Variants in HSF2BP observed in about 807,000 individuals in gnomAD.
The protein encoded by HSF2BP is heat shock transcription factor 2 binding protein, also known as heat shock factor 2-binding protein.
HSF2BP carries 35 observed loss-of-function variants against 35.0 expected under a neutral mutation model. The ratio of observed to expected loss-of-function variants is 1.00; its 90% CI spans 0.76 to 1.32. The LOEUF is 1.32. HSF2BP is among the 40% of genes most tolerant of loss of function. The pLI, the probability that HSF2BP is intolerant of heterozygous loss-of-function variation, is 0.00. For missense variants in HSF2BP, 326 were observed against 321.7 expected (o/e 1.01, Z -0.10); for synonymous variants, 114 against 117.4 (o/e 0.97, Z 0.18).
intron 8 of HSF2BP, among the ~76,000 whole-genome samples, chr21:43,574,439 G>A (rs2081614933): frequency 1.3e-5 from 2 of 151,642 alleles, no homozygotes; most frequent in African/African-American, 4.8e-5. Flanking sequence ...ATCACCGCAA[G>A]CTCCACCTCC....
intron 7 of HSF2BP, among the ~76,000 whole-genome samples, chr21:43,605,411 C>CCACACACACACTCCAA (rs2082121343): frequency 6.8e-6 from 1 of 147,316 alleles, no homozygotes; most frequent in Admixed American, 6.7e-5. Context: ...ATTCCCCACA[C>CCACACACACACTCCAA]CACACACACA....
rs367798578 is a variant in HSF2BP at position 43,592,187 on chromosome 21, C to G, written c.796+38G>C. On this transcript the variant is annotated intron_variant, in intron 8 of 8. Transcript: ENST00000291560. ...TGGATAAGGGAGGACTACTGCATAA[C>G]CCGTACAAGCAGCTGGACAGATAAC... 2.2e-6 allele frequency: 3 copies of G among 1,376,418 alleles called. No individual in the cohort carries two copies. In the Admixed American group the frequency reaches 5.0e-5, roughly 23 times the overall value. The allele number at this position is 1,376,418 out of a possible 1,614,324, so 85.3% of individuals were successfully genotyped here. A position where few individuals can be genotyped will look rare whatever the true frequency, so the allele number is the denominator to read the frequency against.
intron 3 of HSF2BP, among the ~76,000 whole-genome samples, chr21:43,649,242 GT>G (rs201486961): frequency 6.6e-6 from 1 of 151,202 alleles, no homozygotes; most frequent in South Asian, 2.1e-4. Context: ...TCAGTTTGGG[GT>G]TTTTTTTATT....
At position 43,653,353 on chromosome 21, in the gene HSF2BP, G is replaced by A. The variant is rs375556911; in HGVS notation, c.187+3234C>T. 1.8e-3 allele frequency among the ~76,000 whole-genome samples: 272 copies of A among 152,188 alleles called. 2 individuals carry two copies. The highest frequency in any genetic ancestry group is 5.8e-3 in the African/African-American group (241 of 41,502). ...CCCTCAAGACCGAATAATCAGCCAGGGAGATAATGACAGACAAAATCAGGG... is the reference window on the plus strand; with the variant it reads ...CCCTCAAGACCGAATAATCAGCCAGAGAGATAATGACAGACAAAATCAGGG... On this transcript the variant is annotated intron_variant, in intron 3 of 8. Transcript: ENST00000291560.
intron 8 of HSF2BP, among the ~76,000 whole-genome samples, chr21:43,591,406 A>C (rs1347115209): frequency 1.3e-5 from 2 of 152,208 alleles, no homozygotes; most frequent in Non-Finnish European, 2.9e-5. Flanking sequence ...GCTGTAATAG[A>C]GAATGGGATA....
At chr21:43,613,474 G>A (rs1282417548) in intron 7 of HSF2BP, among the ~76,000 whole-genome samples, 1 of 152,186 alleles carries the variant, frequency 6.6e-6, no homozygotes, top group African/African-American at 2.4e-5. Flanking sequence ...AATAAATGGT[G>A]TTGTTTTAGC....
At chr21:43,651,918 G>A (rs2147115209) in intron 3 of HSF2BP, among the ~76,000 whole-genome samples, 1 of 152,294 alleles carries the variant, frequency 6.6e-6, no homozygotes, top group East Asian at 1.9e-4. Flanking sequence ...GGGAGATGCT[G>A]GGCTAGAGTC....
At chr21:43,654,005 A>G (rs1358192518) in intron 3 of HSF2BP, among the ~76,000 whole-genome samples, 1 of 152,178 alleles carries the variant, frequency 6.6e-6, no homozygotes, top group Non-Finnish European at 1.5e-5. Context: ...CATGAGGCAG[A>G]TATGACAACA....
At chr21:43,587,497 C>A (rs2081867446) in intron 8 of HSF2BP, among the ~76,000 whole-genome samples, 1 of 151,986 alleles carries the variant, frequency 6.6e-6, no homozygotes, top group Non-Finnish European at 1.5e-5. Flanking sequence ...GAAACCGCAT[C>A]TCTATTAAAA....
intron 5 of HSF2BP, 36 bp from the exon 6 acceptor site, chr21:43,630,490 A>C: frequency 3.8e-6 from 6 of 1,594,110 alleles, no homozygotes; most frequent in Non-Finnish European, 5.1e-6. Flanking sequence ...ATATCTTTTT[A>C]CAGACACTAG....
intron 8 of HSF2BP, among the ~76,000 whole-genome samples, chr21:43,585,301 C>T (rs1322011358): frequency 6.6e-6 from 1 of 152,166 alleles, no homozygotes; most frequent in Non-Finnish European, 1.5e-5. Flanking sequence ...CACTGCAAGA[C>T]ACTGTATCAA....
chr21:43,593,002 G>A (rs901635171), intron 7 of HSF2BP, among the ~76,000 whole-genome samples: 1 of 152,132 alleles, frequency 6.6e-6, no homozygotes, highest in Non-Finnish European at 1.5e-5. Flanking sequence ...CAATAAAAAG[G>A]CTAGACAAAT....
intron 7 of HSF2BP, among the ~76,000 whole-genome samples, chr21:43,602,158 G>A (rs1016566792): frequency 1.3e-5 from 2 of 152,214 alleles, no homozygotes; most frequent in East Asian, 3.8e-4. Flanking sequence ...TACAGGAAAC[G>A]GGAGAGAGAC....
chr21:43,633,623 T>C (rs991152097), intron 4 of HSF2BP, among the ~76,000 whole-genome samples: 14 of 152,210 alleles, frequency 9.2e-5, no homozygotes, highest in African/African-American at 3.4e-4. Context: ...TTGAGAAATA[T>C]CTGAGGAAAG....
chr21:43,654,161 CTCT>C (rs1729175011), intron 3 of HSF2BP, among the ~76,000 whole-genome samples: 1 of 152,132 alleles, frequency 6.6e-6, no homozygotes. Flanking sequence ...TCATAATGAC[CTCT>C]TCTTTGAGTG....
At chr21:43,657,876 A>C in intron 2 of HSF2BP, 185 bp downstream of exon 2, 1 of 985,456 alleles carries the variant, frequency 1.0e-6, no homozygotes, top group Non-Finnish European at 1.2e-6. Context: ...TTGGAGGCGA[A>C]GTCGCCTCCC....
At chr21:43,633,451 T>C in intron 4 of HSF2BP, 30 bp from the exon 5 acceptor site, 2 of 1,578,188 alleles carry the variant, frequency 1.3e-6, no homozygotes, top group Non-Finnish European at 8.6e-7. Context: ...GAAAAATAAA[T>C]AATAGCATTC....
chr21:43,574,031 G>A (rs955864735), intron 8 of HSF2BP, among the ~76,000 whole-genome samples: 2 of 152,174 alleles, frequency 1.3e-5, no homozygotes, highest in African/African-American at 2.4e-5. Flanking sequence ...ATGAGCCTCT[G>A]TGAGTGAGCA....
intron 6 of HSF2BP, among the ~76,000 whole-genome samples, chr21:43,617,037 C>CTGATTT (rs1312510789): frequency 2.6e-5 from 4 of 152,178 alleles, no homozygotes; most frequent in Admixed American, 1.3e-4. Flanking sequence ...TAGCCCCCAG[C>CTGATTT]TGTTCCATCC....
Sources: gnomAD v4.1 joint callset for allele counts (sites outside exome capture counted in the v4.1 genomes callset) on GRCh38, gnomAD v4.1.1 for gene constraint, MANE v1.5 for transcripts, NCBI Gene and HGNC (gene_info 2026-07-23, HGNC 2026-07-21) for gene names.